Variants in FKBP5 observed in about 807,000 individuals in gnomAD.
FKBP5 encodes the protein FKBP prolyl isomerase 5.
A neutral mutation model predicts 50.5 loss-of-function variants in FKBP5; 23 were observed. The ratio of observed to expected loss-of-function variants is 0.46; its 90% CI spans 0.33 to 0.65. The LOEUF (loss-of-function observed/expected upper bound fraction) is 0.65. Ranked by LOEUF, FKBP5 falls within the 30% of genes least tolerant of loss-of-function variation. The pLI, the probability that FKBP5 is intolerant of heterozygous loss-of-function variation, is 0.02. For synonymous variants in FKBP5, 176 were observed against 190.6 expected (o/e 0.92, Z 0.63); for missense variants, 411 against 553.1 (o/e 0.74, Z 2.58).
In FKBP5 at chr6:35,650,044, C is replaced by G. The variant is rs4713903; in HGVS notation, c.-19-7201G>C. Among the ~76,000 whole-genome samples, 3 of 151,994 alleles carry G rather than the reference C, an allele frequency of 2.0e-5. No individual in the cohort carries two copies. In the East Asian group the frequency reaches 5.8e-4, roughly 29 times the overall value. On this transcript the variant is annotated intron_variant, in intron 1 of 10. Transcript: ENST00000357266. Reference sequence around the variant, plus strand: ...ACATCCAAACAACTAAATTGGGAAACTATTTTGTAAATGTTCATCCATTAT... The same window carrying G: ...ACATCCAAACAACTAAATTGGGAAAGTATTTTGTAAATGTTCATCCATTAT...
At chr6:35,601,831 C>CT (rs1448000219) in intron 5 of FKBP5, among the ~76,000 whole-genome samples, 1 of 152,000 alleles carries the variant, frequency 6.6e-6, no homozygotes. Context: ...CTACTTAGGG[C>CT]TTTTTTGGTA....
intron 1 of FKBP5, among the ~76,000 whole-genome samples, chr6:35,677,281 G>C (rs993776781): frequency 6.6e-6 from 1 of 152,044 alleles, no homozygotes; most frequent in Non-Finnish European, 1.5e-5. Context: ...CACTGTGTTA[G>C]CCAGAGTGGT....
intron 2 of FKBP5, among the ~76,000 whole-genome samples, chr6:35,694,288 G>A (rs968020804): frequency 6.6e-6 from 1 of 152,120 alleles, no homozygotes; most frequent in Non-Finnish European, 1.5e-5. Context: ...TGGGACTACA[G>A]GTGTGTGCCA....
intron 1 of FKBP5, among the ~76,000 whole-genome samples, chr6:35,677,818 C>CT (rs1380637490): frequency 1.3e-5 from 2 of 151,772 alleles, no homozygotes; most frequent in African/African-American, 2.4e-5. Context: ...GAGGCTCTCT[C>CT]TGTCATCCAG....
intron 2 of FKBP5, among the ~76,000 whole-genome samples, chr6:35,718,261 T>C (rs1456451187): frequency 6.6e-6 from 1 of 152,178 alleles, no homozygotes; most frequent in African/African-American, 2.4e-5. Flanking sequence ...ATGCAGGGTG[T>C]GCTCGCGAGA....
chr6:35,599,440 C>T (rs1212304560), intron 5 of FKBP5, among the ~76,000 whole-genome samples: 3 of 152,184 alleles, frequency 2.0e-5, no homozygotes, highest in East Asian at 1.9e-4. Context: ...GCCGAAATGT[C>T]CCCTGGACAT....
chr6:35,637,929 T>C (rs1425768288), intron 2 of FKBP5, among the ~76,000 whole-genome samples: 1 of 152,186 alleles, frequency 6.6e-6, no homozygotes, highest in African/African-American at 2.4e-5. Context: ...TAGATTCTGC[T>C]TGTTTATTTT....
At chr6:35,586,577 G>A (rs965657766) in intron 8 of FKBP5, 5 of 986,590 alleles carry the variant, frequency 5.1e-6, no homozygotes, top group Non-Finnish European at 4.8e-6. Flanking sequence ...GACCAGCCTG[G>A]GAAAGAAAGG....
chr6:35,613,505 C>G (rs530756329), intron 5 of FKBP5, among the ~76,000 whole-genome samples: 2 of 152,272 alleles, frequency 1.3e-5, no homozygotes, highest in South Asian at 4.1e-4. Context: ...CGTGAGCCAC[C>G]GCACCTGGCC....
At position 35,703,925 on chromosome 6, in the gene FKBP5, T is replaced by C. The variant is rs191917844; in HGVS notation, c.-20+16403A>G. Reference sequence around the variant, plus strand: ...GCTAACATTAAGTTCTCAGCATCAGTGTTCAGCAATGGTGGTAGCAGCCAT... The same window carrying C: ...GCTAACATTAAGTTCTCAGCATCAGCGTTCAGCAATGGTGGTAGCAGCCAT... On this transcript the variant is annotated intron_variant, in intron 2 of 11. Coordinates refer to the FKBP5 transcript ENST00000536438. 2.5e-3 allele frequency among the ~76,000 whole-genome samples: 374 copies of C among 152,326 alleles called. 1 individual carries two copies. Among genetic ancestry groups the C allele is most frequent in the African/African-American group, 8.3e-3 (344 of 41,570 alleles).
At chr6:35,698,791 CAA>C (rs1238607111) in intron 2 of FKBP5, among the ~76,000 whole-genome samples, 2 of 152,120 alleles carry the variant, frequency 1.3e-5, no homozygotes, top group Non-Finnish European at 2.9e-5. Flanking sequence ...ATGGCAGGAG[CAA>C]GAGAGAGAGT....
At position 35,589,110 on chromosome 6, in the gene FKBP5, T is replaced by A. The variant is rs866670218; in HGVS notation, c.757-1993A>T. 3.8e-3 allele frequency among the ~76,000 whole-genome samples: 394 copies of A among 102,940 alleles called. 1 individual carries two copies. Among genetic ancestry groups the A allele is most frequent in the African/African-American group, 0.011 (257 of 23,610 alleles). The allele number at this position is 102,940 out of a possible 152,430, so 67.5% of individuals were successfully genotyped here. On this transcript the variant is annotated intron_variant, in intron 7 of 10. Transcript: ENST00000357266. ...TATATTTTTATATATATATATATTT[T>A]TATATATATATATATATATTTTTTT...
At position 35,620,216 on chromosome 6, in the gene FKBP5, G is replaced by A. The variant is rs745752126; in HGVS notation, c.309C>T (p.Cys103=). 2.5e-6 allele frequency: 4 copies of A among 1,613,978 alleles called. No individual in the cohort carries two copies. In the South Asian group the frequency reaches 3.3e-5, roughly 13 times the overall value. The change falls in exon 4 of 11, where the codon TGC becomes TGT. Residue 103 remains cysteine (C), a synonymous_variant. Coordinates refer to ENST00000357266, the MANE Select transcript of FKBP5 (RefSeq NM_004117.4). ...CATATTCTGGTTTGCACAGTAAATG[G>A]CATATCTCTCCTTTCTTCATGGTAG... ...GVATMKKGEI[C]HLLCKPEYAY...
At chr6:35,582,387 G>T in intron 8 of FKBP5, 1 of 770,500 alleles carries the variant, frequency 1.3e-6, no homozygotes, top group Non-Finnish European at 1.6e-6. Flanking sequence ...CATTTGGGGA[G>T]GGAATTAGGT....
intron 5 of FKBP5, among the ~76,000 whole-genome samples, chr6:35,614,261 C>G (rs1354473918): frequency 6.6e-6 from 1 of 151,968 alleles, no homozygotes; most frequent in African/African-American, 2.4e-5. Flanking sequence ...GAAGAAAAAC[C>G]AGGATCTAAT....
At chr6:35,688,571 G>A (rs540014174) in intron 1 of FKBP5, among the ~76,000 whole-genome samples, 2 of 151,110 alleles carry the variant, frequency 1.3e-5, no homozygotes, top group African/African-American at 4.8e-5. Flanking sequence ...CACCGGCCCC[G>A]CGGCCCCTGG....
chr6:35,694,255 C>T (rs55987213), intron 2 of FKBP5, among the ~76,000 whole-genome samples: 24,941 of 152,100 alleles, frequency 0.16, 2,445 homozygotes, highest in South Asian at 0.22. Flanking sequence ...AAGCGATTTT[C>T]CCACTTCAGC....
intron 2 of FKBP5, among the ~76,000 whole-genome samples, chr6:35,718,999 C>A (rs1053578349): frequency 3.3e-5 from 5 of 152,164 alleles, no homozygotes; most frequent in Non-Finnish European, 7.4e-5. Flanking sequence ...TCTAGCAGAA[C>A]AGGAGGCAGC....
chr6:35,690,342 C>T (rs1304216346), upstream of FKBP5, among the ~76,000 whole-genome samples: 4 of 151,918 alleles, frequency 2.6e-5, no homozygotes, highest in African/African-American at 7.3e-5. Flanking sequence ...GGCATGGTGG[C>T]GCATGCCTGT....
Sources: gnomAD v4.1 joint callset for allele counts (sites outside exome capture counted in the v4.1 genomes callset) on GRCh38, gnomAD v4.1.1 for gene constraint, MANE v1.5 for transcripts, NCBI Gene and HGNC (gene_info 2026-07-23, HGNC 2026-07-21) for gene names.